Variants in DIAPH3 observed in about 807,000 individuals in gnomAD.
DIAPH3 encodes diaphanous related formin 3, also known as protein diaphanous homolog 3.
In DIAPH3, 117 loss-of-function variants were observed where a neutral mutation model predicts 144.3. That is an observed-to-expected ratio of 0.81 (90% CI 0.70 to 0.95). The LOEUF (loss-of-function observed/expected upper bound fraction) is 0.95. DIAPH3 is among the 40% of genes least tolerant of loss of function. The pLI is 0.00. For missense variants in DIAPH3, 1,421 were observed against 1,412.7 expected (o/e 1.01, Z -0.09); for synonymous variants, 519 against 488.9 (o/e 1.06, Z -0.81).
chr13:60,054,623 A>T (rs1728453949), intron 4 of DIAPH3, among the ~76,000 whole-genome samples: 2 of 152,050 alleles, frequency 1.3e-5, no homozygotes, highest in South Asian at 4.1e-4. Flanking sequence ...AAGACTATTT[A>T]AAGAAATAGT....
intron 5 of DIAPH3, among the ~76,000 whole-genome samples, chr13:60,019,951 T>C (rs960532118): frequency 6.6e-6 from 1 of 152,160 alleles, no homozygotes; most frequent in African/African-American, 2.4e-5. Context: ...TTCCCAGATG[T>C]GCTCGTAGAA....
At chr13:59,802,667 A>ATTATTATTATTTTTTTTTTTTT (rs1433627853) in intron 25 of DIAPH3, among the ~76,000 whole-genome samples, 1 of 23,756 alleles carries the variant, frequency 4.2e-5, no homozygotes, top group African/African-American at 1.5e-4. Flanking sequence ...TATTATTATT[A>ATTATTATTATTTTTTTTTTTTT]TTTTTTTTTT....
intron 27 of DIAPH3, among the ~76,000 whole-genome samples, chr13:59,670,233 C>T (rs1010705672): frequency 6.6e-6 from 1 of 152,138 alleles, no homozygotes; most frequent in African/African-American, 2.4e-5. Flanking sequence ...TGAGAAGTAA[C>T]AGACAAGACA....
rs1302889566 is a variant in DIAPH3, at chr13:59,981,512, A to C, written c.1481-653T>G. ...ATTAAAATATTTTTTGATGTTAGAC[A>C]AAAAAAAAAAAAACTGAAAATAACT... On this transcript the variant is annotated intron_variant, in intron 13 of 27. Coordinates refer to ENST00000400324, the MANE Select transcript of DIAPH3 (RefSeq NM_001042517.2). Among the ~76,000 whole-genome samples, 7 of 118,030 alleles carry C rather than the reference A, an allele frequency of 5.9e-5. No individual in the cohort carries two copies. In the East Asian group the frequency reaches 1.5e-3, roughly 26 times the overall value. The allele number at this position is 118,030 out of a possible 152,430, so 77.4% of individuals were successfully genotyped here. A position where few individuals can be genotyped will look rare whatever the true frequency, so the allele number is the denominator to read the frequency against.
chr13:59,697,257 A>G (rs2033851933), intron 27 of DIAPH3, among the ~76,000 whole-genome samples: 1 of 151,722 alleles, frequency 6.6e-6, no homozygotes, highest in African/African-American at 2.4e-5. Context: ...CAGGAGATCG[A>G]GACCATCCTC....
Position 59,774,211 on chromosome 13 carries a change from AGGCCTCTG to A in DIAPH3, c.3289_3296del (p.Gln1097CysfsTer6). 1 of 1,613,398 alleles carries A rather than the reference AGGCCTCTG, an allele frequency of 6.2e-7. No individual in the cohort carries two copies. Among genetic ancestry groups the A allele is most frequent in the Non-Finnish European group, 8.5e-7 (1 of 1,179,766 alleles). On this transcript the variant is annotated frameshift_variant, in exon 27 of 28. Coordinates refer to ENST00000400324, the MANE Select transcript of DIAPH3 (RefSeq NM_001042517.2). LOFTEE classifies it high-confidence loss of function. ...TACCATGGTTACAAACTTTCAGAAC[AGGCCTCTG>A]AGACATTGGACTGAGACTCTGCCGA...
At chr13:59,749,450 G>A (rs186163018) in intron 27 of DIAPH3, among the ~76,000 whole-genome samples, 191 of 147,354 alleles carry the variant, frequency 1.3e-3, no homozygotes, top group African/African-American at 4.6e-3. Flanking sequence ...AACCCGGGAG[G>A]TGGAGCTTGC....
At chr13:59,743,338 A>T (rs2036555306) in intron 27 of DIAPH3, among the ~76,000 whole-genome samples, 1 of 152,190 alleles carries the variant, frequency 6.6e-6, no homozygotes, top group African/African-American at 2.4e-5. Flanking sequence ...TTAAGGAGAT[A>T]GAATAAATCA....
intron 3 of DIAPH3, among the ~76,000 whole-genome samples, chr13:60,094,903 A>G (rs1271642417): frequency 6.6e-6 from 1 of 152,190 alleles, no homozygotes; most frequent in African/African-American, 2.4e-5. Flanking sequence ...CTAGTTAGAA[A>G]CACAAACATC....
intron 3 of DIAPH3, among the ~76,000 whole-genome samples, chr13:60,101,041 C>T (rs933364276): frequency 6.6e-6 from 1 of 152,146 alleles, no homozygotes; most frequent in Admixed American, 6.5e-5. Context: ...ACCTTCTCAC[C>T]CATTCTCCCA....
At chr13:60,143,614 T>A (rs1869302771) in intron 1 of DIAPH3, among the ~76,000 whole-genome samples, 1 of 152,196 alleles carries the variant, frequency 6.6e-6, no homozygotes, top group Non-Finnish European at 1.5e-5. Flanking sequence ...CTTCTCCTCC[T>A]CTAGGGCCCC....
chr13:59,945,339 C>T (rs1251355406), intron 17 of DIAPH3, among the ~76,000 whole-genome samples: 1 of 152,164 alleles, frequency 6.6e-6, no homozygotes, highest in Non-Finnish European at 1.5e-5. Context: ...TATTTTCTGT[C>T]TTCTCCATTA....
rs1232542972 is a variant in DIAPH3 at position 60,112,179 on chromosome 13, T to A, written c.221A>T (p.Lys74Ile). 1 of 1,613,898 alleles carries A rather than the reference T, an allele frequency of 6.2e-7. No homozygotes were observed. The highest frequency in any genetic ancestry group is 1.7e-5 in the Admixed American group (1 of 59,928). Residue 74 changes from lysine to isoleucine, a missense_variant, in exon 3 of 28, where the codon AAA becomes ATA. Physicochemically the swap from Lys to Ile is moderately radical, Grantham distance 102 (BLOSUM62 -3). Coordinates refer to ENST00000400324, the MANE Select transcript of DIAPH3 (RefSeq NM_001042517.2). ...IRTLTDDMLD[K>I]FASIRIPGSK... ...CCCTGGAATTCTTATGCTGGCAAATTTGTCCAGCTACAAAGAAAGACAGAA... is the reference window on the plus strand; with the variant it reads ...CCCTGGAATTCTTATGCTGGCAAATATGTCCAGCTACAAAGAAAGACAGAA...
intron 5 of DIAPH3, among the ~76,000 whole-genome samples, chr13:60,024,650 C>A (rs2054262185): frequency 6.6e-6 from 1 of 152,172 alleles, no homozygotes. Context: ...TTTCCTGCTT[C>A]TTGGTATGAC....
chr13:60,139,903 C>G (rs2059389280), intron 1 of DIAPH3, among the ~76,000 whole-genome samples: 1 of 152,190 alleles, frequency 6.6e-6, no homozygotes, highest in African/African-American at 2.4e-5. Context: ...ATGAAAAACT[C>G]TTTTGCAACA....
chr13:59,959,294 C>A (rs2049603245), intron 17 of DIAPH3, among the ~76,000 whole-genome samples: 1 of 152,168 alleles, frequency 6.6e-6, no homozygotes, highest in Admixed American at 6.5e-5. Flanking sequence ...TGACATAACA[C>A]AAATATGTTC....
chr13:59,753,847 T>A (rs2037132868), intron 27 of DIAPH3, among the ~76,000 whole-genome samples: 1 of 152,214 alleles, frequency 6.6e-6, no homozygotes, highest in Non-Finnish European at 1.5e-5. Flanking sequence ...AAAACAGCGT[T>A]AGCTTTTATG....
chr13:60,117,104 A>G (rs1423227057), intron 2 of DIAPH3, among the ~76,000 whole-genome samples: 1 of 152,142 alleles, frequency 6.6e-6, no homozygotes, highest in Non-Finnish European at 1.5e-5. Flanking sequence ...CTGTACTTGT[A>G]TCAATAACAT....
intron 27 of DIAPH3, among the ~76,000 whole-genome samples, chr13:59,743,566 G>A (rs1189492956): frequency 1.3e-5 from 2 of 152,062 alleles, no homozygotes; most frequent in Non-Finnish European, 2.9e-5. Flanking sequence ...AACTAAGAAC[G>A]GCCAAGAAAA....
Sources: allele counts gnomAD v4.1 joint callset (sites outside exome capture counted in the v4.1 genomes callset), GRCh38; gene constraint gnomAD v4.1.1; transcripts MANE v1.5; gene names NCBI Gene and HGNC (gene_info 2026-07-23, HGNC 2026-07-21).